The following PDE4D variants were observed in gnomAD, a reference collection of about 807,000 sequenced individuals.
The protein encoded by PDE4D is phosphodiesterase 4D.
In PDE4D, 24 loss-of-function variants were observed where a neutral mutation model predicts 87.4. The observed-to-expected ratio is 0.27, with a 90% CI of 0.20 to 0.39. PDE4D has a LOEUF of 0.39. PDE4D is among the 10% of genes least tolerant of loss of function. The pLI is 1.00. For synonymous variants in PDE4D, 384 were observed against 383.2 expected, an observed-to-expected ratio of 1.00 and a Z score of -0.02; for missense variants, 714 against 1,041.0, an observed-to-expected ratio of 0.69 and a Z score of 4.32.
At chr5:59,254,384 G>A (rs1581624726) in intron 1 of PDE4D, among the ~76,000 whole-genome samples, 1 of 152,120 alleles carries the variant, frequency 6.6e-6, no homozygotes, top group East Asian at 1.9e-4. Context: ...TTTAGAGTAA[G>A]AGCTAAATGT....
At chr5:59,921,152 C>G (rs1727862495) in intron 3 of PDE4D, among the ~76,000 whole-genome samples, 1 of 152,058 alleles carries the variant, frequency 6.6e-6, no homozygotes, top group Non-Finnish European at 1.5e-5. Flanking sequence ...TACATAAGCT[C>G]TATGATGTCA....
At chr5:59,681,682 C>G (rs1580378280) in intron 1 of PDE4D, among the ~76,000 whole-genome samples, 1 of 151,912 alleles carries the variant, frequency 6.6e-6, no homozygotes, top group Non-Finnish European at 1.5e-5. Context: ...GGGTGGCTCA[C>G]GAGGTCAGCA....
intron 5 of PDE4D, among the ~76,000 whole-genome samples, chr5:59,170,016 A>G (rs533923551): frequency 6.6e-6 from 1 of 152,166 alleles, no homozygotes; most frequent in African/African-American, 2.4e-5. Flanking sequence ...TGACACTGAG[A>G]TCTTTTATTC....
intron 1 of PDE4D, among the ~76,000 whole-genome samples, chr5:59,401,124 A>G (rs1382759306): frequency 6.6e-6 from 1 of 152,240 alleles, no homozygotes; most frequent in Non-Finnish European, 1.5e-5. Flanking sequence ...GGCTATGTGC[A>G]CATGGTATAC....
Position 59,649,904 on chromosome 5 carries a change from C to CTTTTTTTTTTTTTTTTTTTTTTTTTT in PDE4D, c.455+243263_455+243264insAAAAAAAAAAAAAAAAAAAAAAAAAA, listed in dbSNP as rs1561402852. On this transcript the variant is annotated intron_variant, in intron 1 of 14. Transcript: ENST00000340635. ...TGTTAAAATGTTGATAGTTTGTGAA[C>CTTTTTTTTTTTTTTTTTTTTTTTTTT]CTTTTTTTTTTTTTTTTTTTTTTTT... 5.9e-3 allele frequency among the ~76,000 whole-genome samples: 437 copies of CTTTTTTTTTTTTTTTTTTTTTTTTTT among 73,970 alleles called. 164 individuals carry two copies. The highest frequency in any genetic ancestry group is 0.017 in the Middle Eastern group (2 of 116). The allele number at this position is 73,970 out of a possible 152,430, so 48.5% of individuals were successfully genotyped here. A position where few individuals can be genotyped will look rare whatever the true frequency, so the allele number is the denominator to read the frequency against.
intron 2 of PDE4D, among the ~76,000 whole-genome samples, chr5:59,990,276 C>T (rs538874607): frequency 6.6e-6 from 1 of 152,144 alleles, no homozygotes; most frequent in East Asian, 1.9e-4. Flanking sequence ...ATTTGAAGCA[C>T]CAATATCTGG....
intron 5 of PDE4D, among the ~76,000 whole-genome samples, chr5:59,041,152 T>C (rs998723586): frequency 1.3e-5 from 2 of 152,096 alleles, no homozygotes; most frequent in Non-Finnish European, 2.9e-5. Context: ...AGCTTTTTTT[T>C]CCCCCTTAAC....
At chr5:59,170,211 G>A (rs1782545907) in intron 5 of PDE4D, among the ~76,000 whole-genome samples, 2 of 152,092 alleles carry the variant, frequency 1.3e-5, no homozygotes, top group Admixed American at 6.6e-5. Flanking sequence ...TAGAGATGGA[G>A]GTCTCACTGT....
chr5:59,602,914 G>A (rs1827719903), intron 1 of PDE4D, among the ~76,000 whole-genome samples: 3 of 151,918 alleles, frequency 2.0e-5, no homozygotes, highest in South Asian at 2.1e-4. Context: ...TTCAACAAAG[G>A]TGCCAAGAAC....
At chr5:59,227,793 G>A (rs1183826645) in intron 1 of PDE4D, among the ~76,000 whole-genome samples, 3 of 152,134 alleles carry the variant, frequency 2.0e-5, no homozygotes, top group African/African-American at 4.8e-5. Context: ...ATATACTACT[G>A]GTTAGAATGT....
rs182530345 is a variant in PDE4D, at chr5:59,260,895, A to C, written c.456-44927T>G. Among the ~76,000 whole-genome samples the C allele has an allele frequency of 7.3e-5, 11 of 151,304 alleles. No individual in the cohort carries two copies. The Admixed American group carries it at 7.3e-4, about 10-fold the overall frequency. ...TACAGTTTTTCCCGATTACTGGCTA[A>C]AGTTTATAAAAATCATTTATGGAAT... On this transcript the variant is annotated intron_variant, in intron 1 of 14. Coordinates refer to ENST00000340635, the MANE Select transcript of PDE4D (RefSeq NM_001104631.2).
intron 2 of PDE4D, among the ~76,000 whole-genome samples, chr5:60,163,581 G>A (rs573898113): frequency 1.3e-5 from 2 of 152,218 alleles, no homozygotes; most frequent in East Asian, 1.9e-4. Flanking sequence ...GTTCTCTTCC[G>A]ATGATTATCA....
intron 1 of PDE4D, among the ~76,000 whole-genome samples, chr5:59,877,482 A>G (rs1748771174): frequency 1.2e-5 from 1 of 83,010 alleles, no homozygotes; most frequent in African/African-American, 1.5e-4. Context: ...CAGAACCTAA[A>G]AAAAAAAAAA....
At chr5:59,902,016 C>T (rs1752326808) in intron 3 of PDE4D, among the ~76,000 whole-genome samples, 1 of 150,752 alleles carries the variant, frequency 6.6e-6, no homozygotes, top group East Asian at 1.9e-4. Flanking sequence ...GGATTATACA[C>T]TATAACACAA....
intron 1 of PDE4D, among the ~76,000 whole-genome samples, chr5:60,332,110 T>C (rs1757349841): frequency 6.6e-6 from 1 of 152,242 alleles, no homozygotes; most frequent in Non-Finnish European, 1.5e-5. Flanking sequence ...ACATACTTTG[T>C]ATAATGACAA....
chr5:60,296,453 G>T (rs1753397362), intron 1 of PDE4D, among the ~76,000 whole-genome samples: 1 of 151,906 alleles, frequency 6.6e-6, no homozygotes, highest in South Asian at 2.1e-4. Flanking sequence ...AAAATGACTG[G>T]GTAAGCCTCC....
intron 2 of PDE4D, among the ~76,000 whole-genome samples, chr5:60,118,038 T>G (rs1778324159): frequency 1.3e-5 from 2 of 152,184 alleles, no homozygotes; most frequent in Admixed American, 6.6e-5. Context: ...TTGTGGCAAT[T>G]TAACCACATT....
chr5:59,289,810 GATAA>G (rs1249215928), intron 1 of PDE4D, among the ~76,000 whole-genome samples: 1 of 152,014 alleles, frequency 6.6e-6, no homozygotes, highest in Middle Eastern at 3.4e-3. Context: ...TATTAGAACT[GATAA>G]ATAAATTCAG....
At chr5:59,122,141 C>CAAAAAAAA (rs56284898) in intron 5 of PDE4D, among the ~76,000 whole-genome samples, 17 of 71,580 alleles carry the variant, frequency 2.4e-4, no homozygotes, top group Middle Eastern at 0.013. Context: ...GACTCTATCT[C>CAAAAAAAA]AAAAAAAAAA....
Sources: gnomAD v4.1 joint callset for allele counts (sites outside exome capture counted in the v4.1 genomes callset) on GRCh38, gnomAD v4.1.1 for gene constraint, MANE v1.5 for transcripts, NCBI Gene and HGNC (gene_info 2026-07-23, HGNC 2026-07-21) for gene names.